ADAMTS2: variants seen among roughly 807,000 people sequenced by gnomAD.
ADAMTS2 encodes the protein A disintegrin and metalloproteinase with thrombospondin motifs 2.
In ADAMTS2, 50 loss-of-function variants were observed where a neutral mutation model predicts 123.0. The observed-to-expected ratio is 0.41, with a 90% CI of 0.32 to 0.51. The LOEUF (loss-of-function observed/expected upper bound fraction) is 0.51, where lower values mean the gene tolerates loss of function less well. Ranked by LOEUF, ADAMTS2 falls within the 20% of genes least tolerant of loss-of-function variation. ADAMTS2 has a pLI of 0.35. For synonymous variants in ADAMTS2, 678 were observed against 695.4 expected (o/e 0.98, Z 0.39); for missense variants, 1,494 against 1,705.2 (o/e 0.88, Z 2.18).
Position 179,272,039 on chromosome 5 carries a change from C to T in ADAMTS2, c.688+872G>A, listed in dbSNP as rs1057046170. On this transcript the variant is annotated intron_variant, in intron 3 of 21. Coordinates refer to ENST00000251582, the MANE Select transcript of ADAMTS2 (RefSeq NM_014244.5). This position sits in a 1 kb window ranked among gnomAD's most constrained non-coding sequence, Gnocchi z 5.8. ...AGGCTGAGGGCTGAGCTCGCAGCTT[C>T]CCACTCTCCCAGCAAGAGCCAAGCA... Among the ~76,000 whole-genome samples the T allele has an allele frequency of 1.3e-4, 20 of 152,214 alleles. 1 individual carries two copies. The highest frequency in any genetic ancestry group is 4.6e-4 in the African/African-American group (19 of 41,460).
chr5:179,328,193 C>T (rs548320730), intron 2 of ADAMTS2, among the ~76,000 whole-genome samples: 5 of 152,262 alleles, frequency 3.3e-5, no homozygotes, highest in East Asian at 1.9e-4. Flanking sequence ...CCACCACGCC[C>T]GGCTAATTTT....
chr5:179,280,658 C>T (rs548585176), intron 2 of ADAMTS2, among the ~76,000 whole-genome samples: 1 of 152,246 alleles, frequency 6.6e-6, no homozygotes, highest in South Asian at 2.1e-4. Flanking sequence ...GGGCGCACCC[C>T]CAGTGTCTTC....
chr5:179,138,052 G>A lies in ADAMTS2; in HGVS notation c.1776-108C>T, dbSNP rs544393014. On this transcript the variant is annotated intron_variant, in intron 11 of 21. Transcript: ENST00000251582. ...GGGGATCCCTAAGTCTCAGGTGTCC[G>A]GGGGGCAGCTCTGCTGAGCAAAGGG... is the stretch of plus-strand genomic sequence containing the variant. The A allele has an allele frequency of 1.0e-5, 13 of 1,264,272 alleles. No individual in the cohort carries two copies. The Admixed American group carries it at 1.2e-4, about 12-fold the overall frequency. 78.3% of individuals were successfully genotyped at this position (1,264,272 alleles called of 1,614,324 possible).
At position 179,113,842 on chromosome 5, in the gene ADAMTS2, C is replaced by A. The variant is rs1188253407; in HGVS notation, c.*25G>T. 1.2e-6 allele frequency: 2 copies of A among 1,607,766 alleles called. No individual in the cohort carries two copies. Among genetic ancestry groups the A allele is most frequent in the Non-Finnish European group, 1.7e-6 (2 of 1,174,310 alleles). On this transcript the variant is annotated 3_prime_UTR_variant, in exon 22 of 22. Transcript: ENST00000251582. ...TATCTCTATAAGCAAGAAAAAAATGCTAGGGATGCTATCTTTCCATTTTAT... is the reference window on the plus strand; with the variant it reads ...TATCTCTATAAGCAAGAAAAAAATGATAGGGATGCTATCTTTCCATTTTAT...
At chr5:179,310,541 C>T (rs1321020341) in intron 2 of ADAMTS2, among the ~76,000 whole-genome samples, 2 of 152,124 alleles carry the variant, frequency 1.3e-5, no homozygotes, top group African/African-American at 2.4e-5. Context: ...CTGGGCCACC[C>T]ACCGGTGCTA....
intron 2 of ADAMTS2, among the ~76,000 whole-genome samples, chr5:179,322,721 A>C (rs529403585): frequency 1.8e-4 from 27 of 152,350 alleles, no homozygotes; most frequent in Middle Eastern, 3.4e-3. Context: ...GGTGGGGCCC[A>C]GGCCAGGCGG....
intron 2 of ADAMTS2, among the ~76,000 whole-genome samples, chr5:179,286,565 G>C (rs970919763): frequency 6.6e-5 from 10 of 152,088 alleles, no homozygotes; most frequent in Admixed American, 2.6e-4. Context: ...TGCACTCCAA[G>C]AACTGAGGGC....
In ADAMTS2 at chr5:179,188,075, G is replaced by T. The variant is rs1289113212; in HGVS notation, c.892-6920C>A. On this transcript the variant is annotated intron_variant, in intron 4 of 21. Coordinates refer to ENST00000251582, the MANE Select transcript of ADAMTS2 (RefSeq NM_014244.5). This position sits in a 1 kb window ranked among gnomAD's most constrained non-coding sequence, Gnocchi z 5.1. ...GGGAACCGGTGCAGGCTCCCTACTG[G>T]GGAGGCCTACTGGCCTGCCAGCCAC... Among the ~76,000 whole-genome samples, 1 of 152,124 alleles carries T rather than the reference G, an allele frequency of 6.6e-6. No homozygotes were observed. The highest frequency in any genetic ancestry group is 2.4e-5 in the African/African-American group (1 of 41,430).
At chr5:179,243,961 T>A (rs1765723956) in intron 3 of ADAMTS2, among the ~76,000 whole-genome samples, 1 of 151,954 alleles carries the variant, frequency 6.6e-6, no homozygotes, top group East Asian at 1.9e-4. Flanking sequence ...CAATAGACAT[T>A]ATGCAATTTG....
intron 3 of ADAMTS2, among the ~76,000 whole-genome samples, chr5:179,215,545 T>C (rs1409513330): frequency 1.3e-5 from 2 of 152,206 alleles, no homozygotes. Flanking sequence ...GATATCTGAT[T>C]TGGCTCCTTT....
Position 179,152,144 on chromosome 5 carries a change from T to C in ADAMTS2, c.1627A>G (p.Lys543Glu). Residue 543 changes from lysine (K) to glutamate (E), a missense_variant and splice_region_variant, in exon 10 of 22, where the codon AAG becomes GAG. By Grantham distance (56) the Lys-to-Glu change is moderately conservative (BLOSUM62 1). This residue lies in a region of ADAMTS2 where 953 missense variants were observed against 1,124.7 expected (regional missense o/e 0.85). Transcript: ENST00000251582. ...AAGAGCCCTTGATGCTGCCTCACCTTGCCAGGTGCACACATAGTCCCGTCC... is the reference window on the plus strand; with the variant it reads ...AAGAGCCCTTGATGCTGCCTCACCTCGCCAGGTGCACACATAGTCCCGTCC... Reference protein sequence around the residue: ...PLDGTMCAPGKHCFKGHCIWL... With the variant: ...PLDGTMCAPGEHCFKGHCIWL... 1 of 1,613,254 alleles carries C rather than the reference T, an allele frequency of 6.2e-7. No homozygotes were observed. Among genetic ancestry groups the C allele is most frequent in the Non-Finnish European group, 8.5e-7 (1 of 1,179,256 alleles).
chr5:179,140,945 G>A (rs898176879), intron 10 of ADAMTS2, among the ~76,000 whole-genome samples: 5 of 150,586 alleles, frequency 3.3e-5, no homozygotes, highest in Non-Finnish European at 5.9e-5. Flanking sequence ...GATTACAGGT[G>A]TCCACCACCA....
At chr5:179,212,730 TGCAGTGGGCAGGTGTGGGCCTGAGGGC>T (rs1764890235) in intron 3 of ADAMTS2, among the ~76,000 whole-genome samples, 1 of 98,940 alleles carries the variant, frequency 1.0e-5, no homozygotes, top group Non-Finnish European at 2.1e-5. Flanking sequence ...TGAGGGCGGG[TGCAGTGGGCAGGTGTGGGCCTGAGGGC>T]GGGTGCAGTG....
chr5:179,329,281 A>C (rs539409763), intron 2 of ADAMTS2, among the ~76,000 whole-genome samples: 77 of 148,786 alleles, frequency 5.2e-4, no homozygotes, highest in African/African-American at 1.7e-3. Context: ...GAGCCGAGAT[A>C]GTGCCACTGC....
At chr5:179,250,010 T>C (rs910123997) in intron 3 of ADAMTS2, among the ~76,000 whole-genome samples, 3 of 152,190 alleles carry the variant, frequency 2.0e-5, no homozygotes, top group Non-Finnish European at 1.5e-5. Flanking sequence ...GTGGGATTTA[T>C]CCGTGGAATG....
chr5:179,129,834 C>T lies in ADAMTS2; in HGVS notation c.2457+98G>A. 6.5e-7 allele frequency: 1 copy of T among 1,528,060 alleles called. No individual in the cohort carries two copies. The highest frequency in any genetic ancestry group is 8.9e-7 in the Non-Finnish European group (1 of 1,120,352). 94.7% of individuals were successfully genotyped at this position (1,528,060 alleles called of 1,614,324 possible). On this transcript the variant is annotated intron_variant, in intron 16 of 21. Coordinates refer to ENST00000251582, the MANE Select transcript of ADAMTS2 (RefSeq NM_014244.5). The surrounding 1 kb of genome is among the most constrained non-coding windows in gnomAD (Gnocchi z 4.1). ...AGGCCAAAGGGGCCACGCAGAGTGT[C>T]ACCTGAAGGGTCAGGAGGCTCAGCG...
intron 3 of ADAMTS2, among the ~76,000 whole-genome samples, chr5:179,208,301 T>C (rs556129004): frequency 6.6e-6 from 1 of 152,264 alleles, no homozygotes; most frequent in East Asian, 1.9e-4. Context: ...TTCCCCAGTG[T>C]CTCCTTGGGC....
In ADAMTS2 at chr5:179,153,532, A is replaced by G. The variant is rs1763407301; in HGVS notation, c.1474T>C (p.Cys492Arg). The part of the protein sequence containing the change: ...PGLHYSMNEQ[C>R]RFDFGLGYMM... ...TAGCCCAGGCCGAAGTCAAAGCGGC[A>G]TTGCTCGTTCATGGAGTAGTGCAGT... The change falls in exon 9 of 22, where the codon TGC (cysteine) becomes CGC (arginine). Residue 492 changes from cysteine (C) to arginine (R), a missense_variant. Coordinates refer to ENST00000251582, the MANE Select transcript of ADAMTS2 (RefSeq NM_014244.5). The G allele has an allele frequency of 6.2e-7, 1 of 1,610,892 alleles. No homozygotes were observed. Among genetic ancestry groups the G allele is most frequent in the Non-Finnish European group, 8.5e-7 (1 of 1,179,876 alleles).
At position 179,254,197 on chromosome 5, in the gene ADAMTS2, T is replaced by A. The variant is rs113012347; in HGVS notation, c.688+18714A>T. Reference sequence around the variant, plus strand: ...TTCTGGAATTATGCAGTATTATTATTTTATATTCATGTCGCTGGGCATATG... The same window carrying A: ...TTCTGGAATTATGCAGTATTATTATATTATATTCATGTCGCTGGGCATATG... On this transcript the variant is annotated intron_variant, in intron 3 of 21. Coordinates refer to ENST00000251582, the MANE Select transcript of ADAMTS2 (RefSeq NM_014244.5). Among the ~76,000 whole-genome samples the A allele has an allele frequency of 1.9e-3, 289 of 152,356 alleles. 2 individuals are homozygous for A. Among genetic ancestry groups the A allele is most frequent in the African/African-American group, 6.8e-3 (281 of 41,582 alleles).
Sources: allele counts gnomAD v4.1 joint callset (sites outside exome capture counted in the v4.1 genomes callset), GRCh38; gene constraint gnomAD v4.1.1; regional missense constraint gnomAD v4.1.1; non-coding constraint Gnocchi (gnomAD v3.1); transcripts MANE v1.5; gene names NCBI Gene and HGNC (gene_info 2026-07-23, HGNC 2026-07-21).